The following CEMIP variants were observed in gnomAD, a reference collection of about 807,000 sequenced individuals.
CEMIP encodes cell migration inducing hyaluronidase 1.
A neutral mutation model predicts 156.9 loss-of-function variants in CEMIP; 105 were observed. That is an observed-to-expected ratio of 0.67 (90% CI 0.57 to 0.79). CEMIP has a LOEUF of 0.79. Ranked by LOEUF, CEMIP falls within the 30% of genes least tolerant of loss-of-function variation. CEMIP has a pLI of 0.00. For synonymous variants in CEMIP, 676 were observed against 668.4 expected (o/e 1.01, Z -0.17); for missense variants, 1,457 against 1,769.4 (o/e 0.82, Z 3.17).
Position 80,932,107 on chromosome 15 carries a change from G to C in CEMIP, c.2793+68G>C. 6.3e-7 allele frequency: 1 copy of C among 1,576,330 alleles called. No individual in the cohort carries two copies. The highest frequency in any genetic ancestry group is 8.6e-7 in the Non-Finnish European group (1 of 1,157,160). ...TGGATGGTGATTCACAAGTCCCCTG[G>C]GTCCCAGAGTTTGAGCTATTGCCAC... On this transcript the variant is annotated intron_variant, in intron 22 of 29. Transcript: ENST00000394685. This position sits in a 1 kb window ranked among gnomAD's most constrained non-coding sequence, Gnocchi z 4.5.
intron 1 of CEMIP, among the ~76,000 whole-genome samples, chr15:80,849,514 G>A (rs917830613): frequency 9.9e-5 from 15 of 152,192 alleles, no homozygotes; most frequent in African/African-American, 3.4e-4. Context: ...CCCACTTCAC[G>A]CCGTGGGATC....
intron 3 of CEMIP, 68 bp from the exon 4 acceptor site, chr15:80,878,653 T>G: frequency 6.2e-7 from 1 of 1,606,858 alleles, no homozygotes; most frequent in Non-Finnish European, 8.5e-7. Flanking sequence ...AGCCCCCTTT[T>G]GGCCTGTAGC....
intron 10 of CEMIP, among the ~76,000 whole-genome samples, chr15:80,890,359 A>T (rs1477842038): frequency 6.6e-6 from 1 of 151,662 alleles, no homozygotes. Flanking sequence ...TGGGCAGATC[A>T]CTTGAGGTCA....
intron 7 of CEMIP, among the ~76,000 whole-genome samples, chr15:80,885,018 C>T (rs1898788663): frequency 6.6e-6 from 1 of 152,152 alleles, no homozygotes; most frequent in Admixed American, 6.5e-5. Context: ...ACCTATCACC[C>T]CGGTATTAAG....
At chr15:80,814,665 A>G (rs1449052654) in intron 1 of CEMIP, among the ~76,000 whole-genome samples, 1 of 152,192 alleles carries the variant, frequency 6.6e-6, no homozygotes, top group Non-Finnish European at 1.5e-5. Flanking sequence ...AAGGATAGGT[A>G]GGCTTTGGGC....
At chr15:80,884,496 C>T (rs974394728) in intron 7 of CEMIP, 142 bp downstream of exon 7, 18 of 862,794 alleles carry the variant, frequency 2.1e-5, no homozygotes, top group South Asian at 2.8e-5. Context: ...TTGCATTTGA[C>T]ATCTGAGTTT....
intron 1 of CEMIP, among the ~76,000 whole-genome samples, chr15:80,852,007 G>A (rs1210084623): frequency 6.6e-6 from 1 of 152,110 alleles, no homozygotes; most frequent in Non-Finnish European, 1.5e-5. Flanking sequence ...AGATGATGAG[G>A]AAGTAGAAGA....
intron 1 of CEMIP, among the ~76,000 whole-genome samples, chr15:80,836,049 A>T (rs914646769): frequency 6.7e-6 from 1 of 148,988 alleles, no homozygotes; most frequent in Non-Finnish European, 1.5e-5. Flanking sequence ...CATACTTGGT[A>T]TATTTAGAGA....
chr15:80,948,891 G>A lies in CEMIP; in HGVS notation c.4053G>A (p.Val1351=). The change falls in exon 30 of 30, where the codon GTG becomes GTA. Residue 1351 remains valine, a synonymous_variant. Coordinates refer to ENST00000394685, the MANE Select transcript of CEMIP (RefSeq NM_001293298.2). ...ACAAAGCCAAAATCTTCCAAGTTGT[G>A]CCCATCCCTGTGGTGAAGAAGAAGA... ...EDHKAKIFQV[V]PIPVVKKKKL The A allele has an allele frequency of 6.2e-7, 1 of 1,614,224 alleles. No homozygotes were observed. The highest frequency in any genetic ancestry group is 8.5e-7 in the Non-Finnish European group (1 of 1,180,036).
intron 1 of CEMIP, among the ~76,000 whole-genome samples, chr15:80,789,850 A>C (rs940937295): frequency 2.6e-5 from 4 of 152,258 alleles, no homozygotes; most frequent in Non-Finnish European, 4.4e-5. Flanking sequence ...TATTTAAATA[A>C]AAAGCTATTT....
intron 1 of CEMIP, among the ~76,000 whole-genome samples, chr15:80,856,947 G>A (rs765989096): frequency 2.0e-5 from 3 of 152,182 alleles, no homozygotes; most frequent in Admixed American, 2.0e-4. Context: ...AGTAAAACAG[G>A]CCTATGCGTT....
intron 1 of CEMIP, among the ~76,000 whole-genome samples, chr15:80,829,989 TGTGTGTGTGTGTGCGC>T (rs1449787853): frequency 7.3e-6 from 1 of 136,118 alleles, no homozygotes; most frequent in Non-Finnish European, 1.6e-5. Flanking sequence ...TGTGTGTGTG[TGTGTGTGTGTGTGCGC>T]GCATGTCCTT....
chr15:80,937,566 C>T (rs1259579561), intron 24 of CEMIP, among the ~76,000 whole-genome samples: 1 of 152,198 alleles, frequency 6.6e-6, no homozygotes, highest in Non-Finnish European at 1.5e-5. Context: ...TGGAGACACA[C>T]CAGTGAAGCA....
intron 1 of CEMIP, among the ~76,000 whole-genome samples, chr15:80,846,059 C>T (rs1897548594): frequency 6.6e-6 from 1 of 152,208 alleles, no homozygotes; most frequent in East Asian, 1.9e-4. Context: ...CTTTACCCAC[C>T]CACCTCAGTG....
chr15:80,878,548 G>A (rs1450230023), intron 3 of CEMIP, among the ~76,000 whole-genome samples, 173 bp from the exon 4 acceptor site: 2 of 152,218 alleles, frequency 1.3e-5, no homozygotes, highest in African/African-American at 4.8e-5. Context: ...TGGTCCCCAT[G>A]GTTCCTGCCT....
intron 25 of CEMIP, among the ~76,000 whole-genome samples, chr15:80,939,110 A>G (rs991656789): frequency 6.6e-6 from 1 of 152,216 alleles, no homozygotes; most frequent in Admixed American, 6.5e-5. Context: ...GGGGAAGAGG[A>G]AGTGATCCAC....
intron 23 of CEMIP, 98 bp from the exon 24 acceptor site, chr15:80,936,576 C>T: frequency 9.3e-7 from 1 of 1,078,380 alleles, no homozygotes; most frequent in Admixed American, 1.7e-5. Context: ...GAGAAAGTGC[C>T]TTTGAAAGTG....
At position 80,926,836 on chromosome 15, in the gene CEMIP, C is replaced by CTTTTTTTTTTTT. The variant is rs796068914; in HGVS notation, c.2420+1082_2420+1093dup. Among the ~76,000 whole-genome samples, 8 of 106,774 alleles carry CTTTTTTTTTTTT rather than the reference C, an allele frequency of 7.5e-5. 1 individual carries two copies. The highest frequency in any genetic ancestry group is 4.1e-4 in the African/African-American group (8 of 19,282). The allele number at this position is 106,774 out of a possible 152,430, so 70.0% of individuals were successfully genotyped here. The stretch of plus-strand genomic sequence containing the variant: ...TGAGCGGGTGGGGGGGGGGGGTCTT[C>CTTTTTTTTTTTT]TTTTTTTTTTTTGAGATGGAGTCTT... On this transcript the variant is annotated intron_variant, in intron 19 of 29. Transcript: ENST00000394685.
intron 1 of CEMIP, among the ~76,000 whole-genome samples, chr15:80,849,050 G>A (rs1897643488): frequency 7.6e-6 from 1 of 131,074 alleles, no homozygotes; most frequent in Admixed American, 9.0e-5. Flanking sequence ...GGAGTGCAGT[G>A]GTGCTATCTT....
Sources: gnomAD v4.1 joint callset for allele counts (sites outside exome capture counted in the v4.1 genomes callset) on GRCh38, gnomAD v4.1.1 for gene constraint, Gnocchi (gnomAD v3.1) non-coding constraint, MANE v1.5 for transcripts, NCBI Gene and HGNC (gene_info 2026-07-23, HGNC 2026-07-21) for gene names.